The following ARL15 variants were observed in gnomAD, a reference collection of about 807,000 sequenced individuals.
ARL15 encodes the protein ARF like GTPase 15, also known as ADP-ribosylation factor-like protein 15.
Under a neutral mutation model 25.2 loss-of-function variants are expected in ARL15, and 19 were observed. The ratio of observed to expected loss-of-function variants is 0.75; its 90% confidence interval spans 0.53 to 1.10. The LOEUF (loss-of-function observed/expected upper bound fraction) is 1.10. ARL15 is among the 50% of genes least tolerant of loss of function. The pLI is 0.00. For synonymous variants in ARL15, 94 were observed against 86.8 expected (o/e 1.08, Z -0.46); for missense variants, 220 against 246.0 (o/e 0.89, Z 0.71).
chr5:54,287,412 A>G (rs1758210969), intron 1 of ARL15, among the ~76,000 whole-genome samples: 1 of 151,780 alleles, frequency 6.6e-6, no homozygotes, highest in Non-Finnish European at 1.5e-5. Context: ...ATGTCAGGAA[A>G]GACTTGGAAG....
intron 4 of ARL15, among the ~76,000 whole-genome samples, chr5:54,001,314 C>A (rs1328835478): frequency 2.0e-5 from 3 of 152,114 alleles, no homozygotes; most frequent in African/African-American, 7.2e-5. Context: ...TCACAAGCTC[C>A]CCATATCCTA....
intron 4 of ARL15, among the ~76,000 whole-genome samples, chr5:54,057,996 A>T (rs1554037134): frequency 0.18 from 19,359 of 108,160 alleles, 2,067 homozygotes; most frequent in African/African-American, 0.45. Context: ...GCCTTTATTT[A>T]TTTATTTATT....
chr5:54,303,856 T>A (rs184051079), intron 1 of ARL15, among the ~76,000 whole-genome samples: 19 of 151,672 alleles, frequency 1.3e-4, no homozygotes, highest in Admixed American at 4.6e-4. Flanking sequence ...AGTAAGGAGG[T>A]TGCCTGAAAA....
chr5:54,267,643 A>T (rs13171042), intron 1 of ARL15, among the ~76,000 whole-genome samples: 9,916 of 151,602 alleles, frequency 0.065, 399 homozygotes, highest in African/African-American at 0.1. Context: ...ACTTTTTTTA[A>T]AAAAAAAAGA....
intron 4 of ARL15, among the ~76,000 whole-genome samples, chr5:54,103,806 TA>T (rs1170920497): frequency 3.3e-5 from 5 of 152,230 alleles, no homozygotes; most frequent in Admixed American, 3.3e-4. Flanking sequence ...AGGTATCTCT[TA>T]TTACATGTTT....
intron 4 of ARL15, among the ~76,000 whole-genome samples, chr5:53,946,455 GAAAAAAA>G (rs55727717): frequency 1.8e-4 from 8 of 43,940 alleles, no homozygotes; most frequent in African/African-American, 4.5e-4. Context: ...GTCTCAAGAG[GAAAAAAA>G]AAAAAAAAAA....
rs370946302 is a variant in ARL15 at position 53,988,022 on chromosome 5, G to A, written c.463-101309C>T. ...CGAGGCTGAGGCAGGAGAATGGCAT[G>A]AACCCGGGAGGCGGAGCTTGCAGTG... On this transcript the variant is annotated intron_variant, in intron 4 of 4. Transcript: ENST00000504924. 2.0e-5 allele frequency among the ~76,000 whole-genome samples: 3 copies of A among 152,192 alleles called. No homozygotes were observed. The East Asian group carries it at 5.8e-4, about 29-fold the overall frequency.
chr5:54,027,259 T>G (rs915903150), intron 4 of ARL15, among the ~76,000 whole-genome samples: 2 of 152,248 alleles, frequency 1.3e-5, no homozygotes, highest in African/African-American at 4.8e-5. Context: ...ACATCCCCTG[T>G]GCACCACACA....
chr5:54,200,081 G>A lies in ARL15; in HGVS notation c.49-28153C>T, dbSNP rs866416577. 4.5e-4 allele frequency among the ~76,000 whole-genome samples: 67 copies of A among 148,730 alleles called. No individual in the cohort carries two copies. In the Middle Eastern group the frequency reaches 0.011, roughly 23 times the overall value. On this transcript the variant is annotated intron_variant, in intron 1 of 4. Coordinates refer to ENST00000504924, the MANE Select transcript of ARL15 (RefSeq NM_019087.3). The stretch of plus-strand genomic sequence containing the variant: ...ACACCGCATGTTCTCACTCATAGGT[G>A]GGAATTGAACAATGAGAACACATGG...
In ARL15 at chr5:54,273,270, G is replaced by C. The variant is rs190596393; in HGVS notation, c.48+37162C>G. 5.9e-3 allele frequency among the ~76,000 whole-genome samples: 904 copies of C among 152,264 alleles called. 17 individuals carry two copies. The highest frequency in any genetic ancestry group is 0.021 in the African/African-American group (869 of 41,558). The stretch of plus-strand genomic sequence containing the variant: ...AGAAATTACCAGCCTCTGAAATTTA[G>C]GTTAATTATGAACTTAAAAAAGCAA... On this transcript the variant is annotated intron_variant, in intron 1 of 4. Coordinates refer to ENST00000504924, the MANE Select transcript of ARL15 (RefSeq NM_019087.3).
chr5:54,190,352 C>T (rs1190532511), intron 1 of ARL15, among the ~76,000 whole-genome samples: 1 of 151,130 alleles, frequency 6.6e-6, no homozygotes, highest in Non-Finnish European at 1.5e-5. Flanking sequence ...AAGATCACCC[C>T]ACTGCACTCC....
chr5:54,257,061 G>A (rs1158980449), intron 1 of ARL15, among the ~76,000 whole-genome samples: 1 of 152,106 alleles, frequency 6.6e-6, no homozygotes, highest in Admixed American at 6.5e-5. Context: ...CACCACTTCT[G>A]CTAAACGTAG....
chr5:54,198,938 C>T (rs534654635), intron 1 of ARL15, among the ~76,000 whole-genome samples: 1 of 152,062 alleles, frequency 6.6e-6, no homozygotes, highest in South Asian at 2.1e-4. Flanking sequence ...GGTATTGGTA[C>T]CAAAACAGAG....
intron 3 of ARL15, among the ~76,000 whole-genome samples, chr5:54,140,781 A>T (rs1216563458): frequency 2.0e-5 from 3 of 152,220 alleles, no homozygotes; most frequent in Admixed American, 2.0e-4. Flanking sequence ...TAAGACTTAT[A>T]GAAGATCAGC....
chr5:54,009,657 T>G (rs1480825293), intron 4 of ARL15, among the ~76,000 whole-genome samples: 1 of 152,210 alleles, frequency 6.6e-6, no homozygotes, highest in Non-Finnish European at 1.5e-5. Context: ...CAGTTGACTT[T>G]TTCTATAAGA....
chr5:54,291,926 C>A (rs1399427708), intron 1 of ARL15, among the ~76,000 whole-genome samples: 1 of 152,188 alleles, frequency 6.6e-6, no homozygotes, highest in Non-Finnish European at 1.5e-5. Context: ...TTTCTTTGAG[C>A]CACTCTTCAG....
At chr5:54,178,393 C>G (rs890284867) in intron 1 of ARL15, among the ~76,000 whole-genome samples, 1 of 152,206 alleles carries the variant, frequency 6.6e-6, no homozygotes, top group Non-Finnish European at 1.5e-5. Flanking sequence ...AAGCCCCACA[C>G]TGTTCCCTTC....
intron 4 of ARL15, among the ~76,000 whole-genome samples, chr5:54,044,750 T>G (rs192171599): frequency 6.7e-4 from 102 of 152,324 alleles, no homozygotes; most frequent in African/African-American, 2.2e-3. Flanking sequence ...CTATATATTG[T>G]TTGCAAAATT....
At chr5:54,123,423 T>C (rs1753152049) in intron 3 of ARL15, among the ~76,000 whole-genome samples, 1 of 152,228 alleles carries the variant, frequency 6.6e-6, no homozygotes, top group African/African-American at 2.4e-5. Context: ...TTATATTTCT[T>C]ATCTGAAATA....
Sources: gnomAD v4.1 joint callset for allele counts (sites outside exome capture counted in the v4.1 genomes callset) on GRCh38, gnomAD v4.1.1 for gene constraint, MANE v1.5 for transcripts, NCBI Gene and HGNC (gene_info 2026-07-23, HGNC 2026-07-21) for gene names.